CCDC7: variants seen among roughly 807,000 people sequenced by gnomAD.
CCDC7 encodes the protein coiled-coil domain containing 7.
In CCDC7, 183 loss-of-function variants were observed where a neutral mutation model predicts 196.9. The ratio of observed to expected loss-of-function variants is 0.93; its 90% confidence interval spans 0.82 to 1.05. CCDC7 has a LOEUF of 1.05. Among genes scored for constraint, CCDC7 ranks in the 50% least tolerant of loss-of-function variants. The pLI is 0.00. For missense variants in CCDC7, 1,540 were observed against 1,482.2 expected, an observed-to-expected ratio of 1.04 and a Z score of -0.64; for synonymous variants, 525 against 484.6, an observed-to-expected ratio of 1.08 and a Z score of -1.10.
At chr10:32,503,716 A>C (rs1389406641) in intron 9 of CCDC7, among the ~76,000 whole-genome samples, 1 of 152,164 alleles carries the variant, frequency 6.6e-6, no homozygotes, top group Non-Finnish European at 1.5e-5. Flanking sequence ...TTCTTCTTTA[A>C]ATATTTGGTA....
chr10:32,502,810 T>C (rs2044281834), intron 9 of CCDC7, among the ~76,000 whole-genome samples: 1 of 152,254 alleles, frequency 6.6e-6, no homozygotes, highest in South Asian at 2.1e-4. Flanking sequence ...CAATTCTTTG[T>C]GTGTTCTTCA....
chr10:32,749,304 T>G (rs1274391561), intron 28 of CCDC7, among the ~76,000 whole-genome samples: 1 of 152,238 alleles, frequency 6.6e-6, no homozygotes, highest in Non-Finnish European at 1.5e-5. Context: ...AAAAAATTTT[T>G]TATCTTCCTT....
At chr10:32,715,322 G>T (rs2081410890) in intron 25 of CCDC7, among the ~76,000 whole-genome samples, 1 of 152,108 alleles carries the variant, frequency 6.6e-6, no homozygotes, top group Admixed American at 6.5e-5. Flanking sequence ...CTGTTAGAAG[G>T]AAAACTAACA....
At chr10:32,721,512 T>C (rs1444519688) in intron 25 of CCDC7, among the ~76,000 whole-genome samples, 1 of 152,156 alleles carries the variant, frequency 6.6e-6, no homozygotes, top group Non-Finnish European at 1.5e-5. Flanking sequence ...AATGGCAGCC[T>C]TACTGGTAAC....
intron 32 of CCDC7, among the ~76,000 whole-genome samples, chr10:32,826,862 G>T (rs557271623): frequency 3.1e-4 from 47 of 152,346 alleles, no homozygotes; most frequent in African/African-American, 1.1e-3. Flanking sequence ...CTTCATGGAA[G>T]GAGAAATGGC....
chr10:32,806,287 C>T (rs189187415), intron 30 of CCDC7, among the ~76,000 whole-genome samples: 5 of 152,216 alleles, frequency 3.3e-5, no homozygotes, highest in African/African-American at 7.2e-5. Flanking sequence ...AAGATTGCTA[C>T]ATTATATGTC....
chr10:32,727,824 T>G (rs1410424538), intron 26 of CCDC7, among the ~76,000 whole-genome samples: 2 of 152,104 alleles, frequency 1.3e-5, no homozygotes, highest in Non-Finnish European at 2.9e-5. Context: ...TATGCATAAG[T>G]TTGATTGAAT....
rs373203932 is a variant in CCDC7, at chr10:32,759,760, G to A, written c.2906-19217G>A. Among the ~76,000 whole-genome samples, 11 of 152,122 alleles carry A rather than the reference G, an allele frequency of 7.2e-5. No homozygotes were observed. In the East Asian group the frequency reaches 1.5e-3, roughly 21 times the overall value. On this transcript the variant is annotated intron_variant, in intron 28 of 41. Coordinates refer to ENST00000639629, the Ensembl canonical transcript of CCDC7. The stretch of plus-strand genomic sequence containing the variant: ...TTGACAAATGGGATCTAATTAAACT[G>A]AAGAGCTTCTGCACAGCAAAAGAAA...
intron 39 of CCDC7, among the ~76,000 whole-genome samples, chr10:32,849,701 C>CAAAAAAAAAAAAAAAAAAAAA (rs34677799): frequency 1.2e-5 from 1 of 80,822 alleles, no homozygotes; most frequent in Non-Finnish European, 2.3e-5. Flanking sequence ...GACTCCGTCT[C>CAAAAAAAAAAAAAAAAAAAAA]AAAAAAAAAA....
At chr10:32,727,214 G>T (rs543908653) in intron 26 of CCDC7, among the ~76,000 whole-genome samples, 2 of 152,266 alleles carry the variant, frequency 1.3e-5, no homozygotes, top group African/African-American at 4.8e-5. Flanking sequence ...CTGAGAGGTT[G>T]TTGAGGTCTG....
intron 18 of CCDC7, among the ~76,000 whole-genome samples, chr10:32,611,940 T>C (rs2062193956): frequency 6.6e-6 from 1 of 152,216 alleles, no homozygotes; most frequent in African/African-American, 2.4e-5. Flanking sequence ...AAGTAGTTTT[T>C]TCTAATTCTC....
chr10:32,809,054 C>A (rs2086489178), intron 30 of CCDC7, among the ~76,000 whole-genome samples: 1 of 152,104 alleles, frequency 6.6e-6, no homozygotes, highest in African/African-American at 2.4e-5. Flanking sequence ...CCTATCCAAC[C>A]AACATCATAG....
intron 20 of CCDC7, among the ~76,000 whole-genome samples, chr10:32,640,555 T>C (rs1453965445): frequency 2.0e-5 from 3 of 152,190 alleles, no homozygotes; most frequent in Admixed American, 6.5e-5. Context: ...GTCATTATGA[T>C]GTTAGCTGGT....
At chr10:32,669,519 T>G (rs1055590605) in intron 21 of CCDC7, among the ~76,000 whole-genome samples, 3 of 152,164 alleles carry the variant, frequency 2.0e-5, no homozygotes, top group African/African-American at 7.2e-5. Flanking sequence ...GTCTTAGCTT[T>G]TCTTTAATAG....
intron 28 of CCDC7, among the ~76,000 whole-genome samples, chr10:32,734,299 G>C (rs190564041): frequency 6.6e-6 from 1 of 152,284 alleles, no homozygotes; most frequent in Admixed American, 6.5e-5. Flanking sequence ...CAGGAACATG[G>C]ATGGAGCTGG....
chr10:32,520,306 A>G (rs2047688414), intron 11 of CCDC7, among the ~76,000 whole-genome samples: 1 of 152,090 alleles, frequency 6.6e-6, no homozygotes, highest in East Asian at 1.9e-4. Context: ...TATTTTCCAT[A>G]GTGGTTTTAC....
chr10:32,808,389 C>T (rs1420260396), intron 30 of CCDC7, among the ~76,000 whole-genome samples: 5 of 152,182 alleles, frequency 3.3e-5, no homozygotes, highest in South Asian at 2.1e-4. Context: ...GCCCCATTTA[C>T]CACCACAGGC....
chr10:32,716,167 C>T (rs1441884850), intron 25 of CCDC7, among the ~76,000 whole-genome samples: 1 of 152,148 alleles, frequency 6.6e-6, no homozygotes, highest in East Asian at 1.9e-4. Flanking sequence ...GGTCAGGTTA[C>T]CCACAAAGGG....
In CCDC7 at chr10:32,766,413, G is replaced by T. The variant is rs369337398; in HGVS notation, c.2906-12564G>T. On this transcript the variant is annotated intron_variant, in intron 28 of 41. Transcript: ENST00000639629. ...AAGAGAAGGTTCTGCAACAGGTACA[G>T]GGTGCTCTTCCACTTGGGAAACATG... Among the ~76,000 whole-genome samples the T allele has an allele frequency of 2.8e-4, 42 of 152,142 alleles. No individual in the cohort carries two copies. The East Asian group carries it at 6.8e-3, about 24-fold the overall frequency.
Sources: gnomAD v4.1 joint callset for allele counts (sites outside exome capture counted in the v4.1 genomes callset) on GRCh38, gnomAD v4.1.1 for gene constraint, MANE v1.5 for transcripts, NCBI Gene and HGNC (gene_info 2026-07-23, HGNC 2026-07-21) for gene names.